Variants in LRP8 observed in about 807,000 individuals in gnomAD.
The protein encoded by LRP8 is low-density lipoprotein receptor-related protein 8.
LRP8 carries 46 observed loss-of-function variants against 111.6 expected under a neutral mutation model. That is an observed-to-expected ratio of 0.41 (90% CI 0.33 to 0.53). The LOEUF is 0.53. Ranked by LOEUF, LRP8 falls within the 20% of genes least tolerant of loss-of-function variation. LRP8 has a pLI of 0.20. For missense variants in LRP8, 959 were observed against 1,297.4 expected (o/e 0.74, Z 4.01); for synonymous variants, 464 against 511.2 (o/e 0.91, Z 1.24).
intron 2 of LRP8, chr1:53,292,269 A>C (rs1317951828): frequency 6.6e-6 from 1 of 152,242 alleles, no homozygotes; most frequent in Non-Finnish European, 1.5e-5. Flanking sequence ...CTTTGCTTAG[A>C]AGAATGCCTC....
intron 2 of LRP8, among the ~76,000 whole-genome samples, chr1:53,296,484 T>C (rs539426515): frequency 2.0e-5 from 3 of 152,130 alleles, no homozygotes; most frequent in Admixed American, 2.0e-4. Flanking sequence ...GTCGGGGAGA[T>C]GAAAGGGCTG....
intron 12 of LRP8, among the ~76,000 whole-genome samples, chr1:53,260,807 C>T (rs1646306048): frequency 6.6e-6 from 1 of 152,174 alleles, no homozygotes; most frequent in South Asian, 2.1e-4. Flanking sequence ...GAGGATTATT[C>T]AGTGATTCTG....
In LRP8 at chr1:53,298,126, A is replaced by G. The variant is rs537980885; in HGVS notation, c.245-8437T>C. Among the ~76,000 whole-genome samples, 161 of 152,138 alleles carry G rather than the reference A, an allele frequency of 1.1e-3. 1 individual carries two copies. The highest frequency in any genetic ancestry group is 2.0e-3 in the Non-Finnish European group (138 of 67,972). Reference sequence around the variant, plus strand: ...AAGAGGTCATCTGGGGCTTCCCACAACCAAGCACCTCCTCCAGGCCCCAGT... The same window carrying G: ...AAGAGGTCATCTGGGGCTTCCCACAGCCAAGCACCTCCTCCAGGCCCCAGT... On this transcript the variant is annotated intron_variant, in intron 2 of 18. Transcript: ENST00000306052.
chr1:53,275,822 A>C lies in LRP8; in HGVS notation c.884-69T>G. On this transcript the variant is annotated intron_variant, in intron 5 of 18. Transcript: ENST00000306052. This position sits in a 1 kb window ranked among gnomAD's most constrained non-coding sequence, Gnocchi z 4.4. The stretch of plus-strand genomic sequence containing the variant: ...GCTAGGACAATTTCCCCACCACCCC[A>C]ATCCCCATGCCATAGCCACCCCCAG... 1 of 1,557,950 alleles carries C rather than the reference A, an allele frequency of 6.4e-7. No homozygotes were observed. The highest frequency in any genetic ancestry group is 2.3e-5 in the East Asian group (1 of 43,266).
intron 3 of LRP8, among the ~76,000 whole-genome samples, chr1:53,286,238 G>A (rs1360188308): frequency 6.6e-6 from 1 of 152,216 alleles, no homozygotes; most frequent in East Asian, 1.9e-4. Context: ...CCAAGGTGCA[G>A]AAGGGGGAGT....
chr1:53,314,768 C>A (rs1015334297), intron 2 of LRP8, among the ~76,000 whole-genome samples: 1 of 152,160 alleles, frequency 6.6e-6, no homozygotes, highest in Non-Finnish European at 1.5e-5. Context: ...AGGGGGAGGC[C>A]GCTTTGGCCT....
At chr1:53,289,327 G>C (rs1648198317) in intron 3 of LRP8, 1 of 418,888 alleles carries the variant, frequency 2.4e-6, no homozygotes. Flanking sequence ...GGCTTGACAG[G>C]GCTGTTTCTA....
Position 53,276,889 on chromosome 1 carries a change from T to C in LRP8, c.686A>G (p.Asp229Gly). The C allele has an allele frequency of 2.1e-6, 3 of 1,418,370 alleles. No homozygotes were observed. Among genetic ancestry groups the C allele is most frequent in the Non-Finnish European group, 2.8e-6 (3 of 1,088,696 alleles). The allele number at this position is 1,418,370 out of a possible 1,614,324, so 87.9% of individuals were successfully genotyped here. A position where few individuals can be genotyped will look rare whatever the true frequency, so the allele number is the denominator to read the frequency against. ...GACIPERWVC[D>G]RQFDCEDRSD... ...GCGGTCCTCGCAGTCAAACTGGCGG[T>C]CGCAGACCCAGCGCTCCGGGATGCA... The change falls in exon 5 of 19, where the codon GAC (aspartate) becomes GGC (glycine). Residue 229 changes from aspartate (D) to glycine (G), a missense_variant. By Grantham distance (94) the Asp-to-Gly change is moderately conservative. Around this residue, in one of 3 missense-constraint regions of LRP8, gnomAD observed 819 missense variants for 1,097.6 expected, o/e 0.75. Coordinates refer to ENST00000306052, the MANE Select transcript of LRP8 (RefSeq NM_004631.5).
chr1:53,271,178 A>G, intron 7 of LRP8, 25 bp from the exon 8 acceptor site: 1 of 1,613,990 alleles, frequency 6.2e-7, no homozygotes, highest in Non-Finnish European at 8.5e-7. Flanking sequence ...AGGAGTCAGA[A>G]CCAGCAGGAG....
At position 53,266,064 on chromosome 1, in the gene LRP8, G is replaced by A. The variant is rs1427305443; in HGVS notation, c.1427+409C>T. On this transcript the variant is annotated intron_variant, in intron 9 of 18. Coordinates refer to ENST00000306052, the MANE Select transcript of LRP8 (RefSeq NM_004631.5). The surrounding 1 kb of genome is among the most constrained non-coding windows in gnomAD (Gnocchi z 5.0). ...TTTCTCATGATCATCACAAATGGAT[G>A]TCACTGTGTTGTGAGTGGGATCCTC... Among the ~76,000 whole-genome samples, 2 of 128,666 alleles carry A rather than the reference G, an allele frequency of 1.6e-5. No homozygotes were observed. The highest frequency in any genetic ancestry group is 5.2e-5 in the African/African-American group (2 of 38,806). The allele number at this position is 128,666 out of a possible 152,430, so 84.4% of individuals were successfully genotyped here.
intron 6 of LRP8, among the ~76,000 whole-genome samples, chr1:53,273,962 A>G (rs1055724765): frequency 7.0e-5 from 10 of 142,424 alleles, no homozygotes; most frequent in Non-Finnish European, 1.4e-4. Context: ...ACCTGGGAAC[A>G]GTAAAAACAA....
intron 2 of LRP8, among the ~76,000 whole-genome samples, chr1:53,321,599 T>C (rs1654524449): frequency 6.6e-6 from 1 of 152,098 alleles, no homozygotes; most frequent in Admixed American, 6.5e-5. Flanking sequence ...TACCAGCATT[T>C]CCCCAAGGAG....
At chr1:53,281,214 C>G (rs535973573) in intron 3 of LRP8, among the ~76,000 whole-genome samples, 138 of 152,366 alleles carry the variant, frequency 9.1e-4, no homozygotes, top group African/African-American at 3.2e-3. Context: ...CGGCCCGCCT[C>G]TAAGCCCCCT....
In LRP8 at chr1:53,275,779, G is replaced by T; in HGVS notation, c.884-26C>A. 1 of 1,612,680 alleles carries T rather than the reference G, an allele frequency of 6.2e-7. No individual in the cohort carries two copies. The highest frequency in any genetic ancestry group is 8.5e-7 in the Non-Finnish European group (1 of 1,179,434). ...CTGCCAGGAGAGGGCAAGGGGAGAG[G>T]ATCAGAGTCAGTGTGGTGCTAGGAC... On this transcript the variant is annotated intron_variant, in intron 5 of 18. Transcript: ENST00000306052. This position sits in a 1 kb window ranked among gnomAD's most constrained non-coding sequence, Gnocchi z 4.4.
chr1:53,315,594 A>G (rs1653693890), intron 2 of LRP8, among the ~76,000 whole-genome samples: 1 of 152,142 alleles, frequency 6.6e-6, no homozygotes, highest in Non-Finnish European at 1.5e-5. Flanking sequence ...CCCTGCTGTT[A>G]TCCATGTCGT....
intron 2 of LRP8, among the ~76,000 whole-genome samples, chr1:53,315,260 G>T (rs188644178): frequency 1.1e-4 from 16 of 152,238 alleles, no homozygotes; most frequent in African/African-American, 3.6e-4. Flanking sequence ...AGTCTTTCTG[G>T]GGGCTCCCTG....
chr1:53,264,362 G>A lies in LRP8; in HGVS notation c.1462C>T (p.Gln488Ter). The part of the protein sequence containing the change: ...YMDKASDPKE[Q>*]EVLIDEQLHS... ...AACTGCTCGTCAATGAGGACCTCCT[G>A]CTCTTTCGGGTCACTGGCCTTGTCC... The change falls in exon 10 of 19, where the codon CAG becomes TAG. Residue 488 changes from glutamine (Q) to a stop codon, truncating the protein, a stop_gained. Coordinates refer to ENST00000306052, the MANE Select transcript of LRP8 (RefSeq NM_004631.5). LOFTEE classifies it high-confidence loss of function. The A allele has an allele frequency of 6.2e-7, 1 of 1,614,020 alleles. No individual in the cohort carries two copies. The highest frequency in any genetic ancestry group is 8.5e-7 in the Non-Finnish European group (1 of 1,179,948).
rs773810666 is a variant in LRP8, at chr1:53,246,211, ATTTGCCTT to A, written c.*799_*806del. On this transcript the variant is annotated 3_prime_UTR_variant, in exon 19 of 19. Transcript: ENST00000306052. Reference sequence around the variant, plus strand: ...CTCAGGAATAGCCAGAGGTGAAAAGATTTGCCTTTTTTACTACATAATTGCACAAACCA... The same window carrying A: ...CTCAGGAATAGCCAGAGGTGAAAAGATTTTACTACATAATTGCACAAACCA... 2.6e-5 allele frequency: 4 copies of A among 152,128 alleles called. No homozygotes were observed. Among genetic ancestry groups the A allele is most frequent in the Non-Finnish European group, 5.9e-5 (4 of 68,038 alleles). The allele number at this position is 152,128 out of a possible 1,614,324, so 9.4% of individuals were successfully genotyped here.
chr1:53,272,961 TG>T (rs1300747226), intron 6 of LRP8, among the ~76,000 whole-genome samples: 1 of 151,986 alleles, frequency 6.6e-6, no homozygotes, highest in Admixed American at 6.5e-5. Context: ...CATGTGTAGG[TG>T]GGATGGCCCT....
Sources: gnomAD v4.1 joint callset for allele counts (sites outside exome capture counted in the v4.1 genomes callset) on GRCh38, gnomAD v4.1.1 for gene constraint, gnomAD v4.1.1 regional missense constraint, Gnocchi (gnomAD v3.1) non-coding constraint, MANE v1.5 for transcripts, NCBI Gene and HGNC (gene_info 2026-07-23, HGNC 2026-07-21) for gene names.